RIN3: variants seen among roughly 807,000 people sequenced by gnomAD.
The protein encoded by RIN3 is Ras and Rab interactor 3.
RIN3 carries 54 observed loss-of-function variants against 76.3 expected under a neutral mutation model. That is an observed-to-expected ratio of 0.71 (90% confidence interval 0.57 to 0.89). RIN3 has a LOEUF of 0.89. Ranked by LOEUF, RIN3 falls within the 40% of genes least tolerant of loss-of-function variation. RIN3 has a pLI of 0.00. For missense variants in RIN3, 1,256 were observed against 1,322.1 expected, an observed-to-expected ratio of 0.95 and a Z score of 0.78; for synonymous variants, 576 against 564.0, an observed-to-expected ratio of 1.02 and a Z score of -0.30.
intron 3 of RIN3, among the ~76,000 whole-genome samples, chr14:92,615,178 T>C (rs1240708262): frequency 6.6e-6 from 1 of 152,120 alleles, no homozygotes; most frequent in Non-Finnish European, 1.5e-5. Flanking sequence ...AATGGACTAA[T>C]ACAAACAGGT....
rs953044005 is a variant in RIN3 at position 92,568,820 on chromosome 14, G to C, written c.250-8540G>C. Among the ~76,000 whole-genome samples the C allele has an allele frequency of 1.3e-5, 2 of 152,256 alleles. No individual in the cohort carries two copies. Among genetic ancestry groups the C allele is most frequent in the African/African-American group, 4.8e-5 (2 of 41,472 alleles). On this transcript the variant is annotated intron_variant, in intron 2 of 9. Coordinates refer to ENST00000216487, the MANE Select transcript of RIN3 (RefSeq NM_024832.5). This position sits in a 1 kb window ranked among gnomAD's most constrained non-coding sequence, Gnocchi z 4.2. ...CCCTGTGGCCATGCTGAAAGGGTGG[G>C]TGATGGGTTCGGAGCTGGGGAGCTG...
Position 92,514,220 on chromosome 14 carries a change from C to G in RIN3, c.44+244C>G, listed in dbSNP as rs1342238062. Among the ~76,000 whole-genome samples, 1 of 152,188 alleles carries G rather than the reference C, an allele frequency of 6.6e-6. No individual in the cohort carries two copies. The highest frequency in any genetic ancestry group is 2.1e-4 in the South Asian group (1 of 4,834). On this transcript the variant is annotated intron_variant, in intron 1 of 9. Coordinates refer to ENST00000216487, the MANE Select transcript of RIN3 (RefSeq NM_024832.5). The surrounding 1 kb of genome is among the most constrained non-coding windows in gnomAD (Gnocchi z 7.2). ...AAGGCCAGGCATTTCACTGGGAACC[C>G]AGTGCACACTTTAGGCTGCTGGTGG...
chr14:92,572,877 CTTTTT>C (rs763771909), intron 2 of RIN3, among the ~76,000 whole-genome samples: 36,152 of 99,760 alleles, frequency 0.36, 5,753 homozygotes, highest in Middle Eastern at 0.56. Flanking sequence ...CTTTTTTTTG[CTTTTT>C]TTTTTTTTTT....
intron 4 of RIN3, among the ~76,000 whole-genome samples, chr14:92,634,952 C>T (rs1886722435): frequency 6.6e-6 from 1 of 152,076 alleles, no homozygotes. Flanking sequence ...CTAGCAGCTC[C>T]CTAGAGGATT....
chr14:92,615,410 T>C lies in RIN3; in HGVS notation c.371T>C (p.Leu124Ser). The C allele has an allele frequency of 6.2e-7, 1 of 1,614,020 alleles. No homozygotes were observed. The highest frequency in any genetic ancestry group is 8.5e-7 in the Non-Finnish European group (1 of 1,179,884). The change falls in exon 4 of 10, where the codon TTG (leucine) becomes TCG (serine). Residue 124 changes from leucine (L) to serine (S), a missense_variant. Leu to Ser is a moderately radical substitution (Grantham distance 145). Around this residue, in one of 3 missense-constraint regions of RIN3, gnomAD observed 610 missense variants for 626.4 expected, o/e 0.97. Coordinates refer to ENST00000216487, the MANE Select transcript of RIN3 (RefSeq NM_024832.5). ...GGCCCTTCTTGTGTCTCCCCAGTAT[T>C]GTACCTGGAAGGCTCGGCTCTTGTG... ...EYTIKEEKSI[L>S]YLEGSALVFE...
intron 1 of RIN3, among the ~76,000 whole-genome samples, chr14:92,548,949 G>A (rs913083115): frequency 2.0e-5 from 3 of 152,122 alleles, no homozygotes; most frequent in African/African-American, 7.2e-5. Flanking sequence ...ACCGTATGGT[G>A]TGGACTATGA....
intron 2 of RIN3, among the ~76,000 whole-genome samples, chr14:92,561,965 C>A (rs567904947): frequency 6.6e-6 from 1 of 152,200 alleles, no homozygotes; most frequent in South Asian, 2.1e-4. Context: ...GGATTACAGG[C>A]GTGAGCCACC....
chr14:92,517,582 G>A lies in RIN3; in HGVS notation c.44+3606G>A, dbSNP rs59032995. ...GTGGGGGGCCATGCGTTATCATCTT[G>A]TTATTGGGTAATTGATTGGTGCTGC... On this transcript the variant is annotated intron_variant, in intron 1 of 9. Transcript: ENST00000216487. 2.0e-3 allele frequency among the ~76,000 whole-genome samples: 301 copies of A among 152,246 alleles called. 1 individual carries two copies. The highest frequency in any genetic ancestry group is 6.8e-3 in the African/African-American group (281 of 41,522).
chr14:92,664,621 C>T (rs974499160), intron 7 of RIN3, among the ~76,000 whole-genome samples: 6 of 152,000 alleles, frequency 3.9e-5, no homozygotes, highest in Non-Finnish European at 7.4e-5. Flanking sequence ...CTGCCCGCCT[C>T]GGCCTCCCAA....
chr14:92,610,029 GA>G lies in RIN3; in HGVS notation c.368-5369del, dbSNP rs201013705. ...ATCTTCCAAGATCAAGGCGCTGGCA[GA>G]AAAAAAAATTTTAAGTATTAAATAT... On this transcript the variant is annotated intron_variant, in intron 3 of 9. Coordinates refer to ENST00000216487, the MANE Select transcript of RIN3 (RefSeq NM_024832.5). Among the ~76,000 whole-genome samples, 549 of 151,676 alleles carry G rather than the reference GA, an allele frequency of 3.6e-3. 14 individuals are homozygous for G. The South Asian group carries it at 0.051, about 14-fold the overall frequency.
chr14:92,517,497 C>T lies in RIN3; in HGVS notation c.44+3521C>T, dbSNP rs577192071. Among the ~76,000 whole-genome samples the T allele has an allele frequency of 8.5e-5, 13 of 152,238 alleles. No homozygotes were observed. In the South Asian group the frequency reaches 2.5e-3, roughly 29 times the overall value. On this transcript the variant is annotated intron_variant, in intron 1 of 9. Transcript: ENST00000216487. ...ATGGGGTAAATGACACCCAAGGCCC[C>T]TTAACTTCCTGTTGGCCCCCAGCTA...
chr14:92,611,408 C>A (rs1283610406), intron 3 of RIN3, among the ~76,000 whole-genome samples: 2 of 152,202 alleles, frequency 1.3e-5, no homozygotes, highest in African/African-American at 2.4e-5. Flanking sequence ...CCCGAGGCAC[C>A]TGCTACCACT....
At chr14:92,609,194 C>T (rs1018608259) in intron 3 of RIN3, among the ~76,000 whole-genome samples, 2 of 152,190 alleles carry the variant, frequency 1.3e-5, no homozygotes, top group Admixed American at 6.5e-5. Context: ...AACACCTAAT[C>T]GCTTTCAGTT....
intron 2 of RIN3, 73 bp from the exon 3 acceptor site, chr14:92,577,287 A>G (rs752996553): frequency 1.6e-4 from 164 of 1,002,088 alleles, no homozygotes; most frequent in South Asian, 3.0e-4. Flanking sequence ...GATGACTTCC[A>G]TCTCGTGGTT....
At position 92,514,850 on chromosome 14, in the gene RIN3, C is replaced by T. The variant is rs534665924; in HGVS notation, c.44+874C>T. On this transcript the variant is annotated intron_variant, in intron 1 of 9. Transcript: ENST00000216487. The surrounding 1 kb of genome is among the most constrained non-coding windows in gnomAD (Gnocchi z 7.2). ...AGACGCCCGGTCGGAGGCGGATTCC[C>T]GGGGAAAGCCTATTTCTGGGTACCC... Among the ~76,000 whole-genome samples, 10 of 152,294 alleles carry T rather than the reference C, an allele frequency of 6.6e-5. No individual in the cohort carries two copies. Among genetic ancestry groups the T allele is most frequent in the African/African-American group, 9.6e-5 (4 of 41,564 alleles).
intron 9 of RIN3, chr14:92,686,990 T>C (rs2140181023): frequency 1.3e-5 from 2 of 152,342 alleles, no homozygotes; most frequent in Middle Eastern, 6.7e-3. Flanking sequence ...TAGCCACCAG[T>C]TGCCATCACG....
chr14:92,563,648 G>A (rs1897840065), intron 2 of RIN3, among the ~76,000 whole-genome samples: 1 of 151,944 alleles, frequency 6.6e-6, no homozygotes, highest in African/African-American at 2.4e-5. Context: ...ACAGTGTCTT[G>A]GCCTCACCCT....
At chr14:92,659,905 G>A (rs977566696) in intron 7 of RIN3, among the ~76,000 whole-genome samples, 4 of 152,176 alleles carry the variant, frequency 2.6e-5, no homozygotes, top group African/African-American at 9.7e-5. Flanking sequence ...TTCCTTCCGA[G>A]CTTCTGGTAG....
chr14:92,615,339 C>T, intron 3 of RIN3, 68 bp from the exon 4 acceptor site: 4 of 1,377,964 alleles, frequency 2.9e-6, no homozygotes, highest in Non-Finnish European at 4.1e-6. Flanking sequence ...CCATCCTTGC[C>T]ACCTCCTTCC....
Sources: allele counts gnomAD v4.1 joint callset (sites outside exome capture counted in the v4.1 genomes callset), GRCh38; gene constraint gnomAD v4.1.1; regional missense constraint gnomAD v4.1.1; non-coding constraint Gnocchi (gnomAD v3.1); transcripts MANE v1.5; gene names NCBI Gene and HGNC (gene_info 2026-07-23, HGNC 2026-07-21).